The following TFRC variants were observed in gnomAD, a reference collection of about 807,000 sequenced individuals.
TFRC encodes transferrin receptor protein 1.
A neutral mutation model predicts 85.8 loss-of-function variants in TFRC; 35 were observed. That is an observed-to-expected ratio of 0.41 (90% CI 0.31 to 0.54). TFRC has a LOEUF of 0.54. Among genes scored for constraint, TFRC ranks in the 20% least tolerant of loss-of-function variants. The pLI is 0.31. For synonymous variants in TFRC, 362 were observed against 328.6 expected, an observed-to-expected ratio of 1.10 and a Z score of -1.10; for missense variants, 828 against 921.5, an observed-to-expected ratio of 0.90 and a Z score of 1.31.
At chr3:196,078,710 T>G (rs1031165269) in intron 1 of TFRC, among the ~76,000 whole-genome samples, 1 of 151,982 alleles carries the variant, frequency 6.6e-6, no homozygotes, top group Admixed American at 6.6e-5. Flanking sequence ...TACAAAAAAT[T>G]CTTTTTAAAT....
chr3:196,053,306 C>T, intron 18 of TFRC, 112 bp downstream of exon 18: 1 of 1,190,658 alleles, frequency 8.4e-7, no homozygotes, highest in Non-Finnish European at 1.2e-6. Flanking sequence ...CATTAATGCT[C>T]CCTTCTTAAA....
chr3:196,053,129 T>A (rs909827302), intron 18 of TFRC, among the ~76,000 whole-genome samples: 20 of 142,862 alleles, frequency 1.4e-4, no homozygotes, highest in Admixed American at 3.5e-4. Context: ...AAAAAAAAAA[T>A]TTTTTTAAAG....
At chr3:196,080,846 GGGGGGAACCAGCA>G (rs1266508382) in intron 1 of TFRC, among the ~76,000 whole-genome samples, 1 of 151,728 alleles carries the variant, frequency 6.6e-6, no homozygotes, top group East Asian at 1.9e-4. Flanking sequence ...GCCGGGGGGC[GGGGGGAACCAGCA>G]GGGTCCACAA....
intron 17 of TFRC, among the ~76,000 whole-genome samples, chr3:196,054,596 C>CA (rs1192442514): frequency 2.0e-5 from 3 of 152,160 alleles, no homozygotes; most frequent in African/African-American, 7.2e-5. Context: ...GGCTGGACTC[C>CA]AGCAATCCTC....
At chr3:196,077,334 G>T (rs768784572) in intron 1 of TFRC, among the ~76,000 whole-genome samples, 2 of 151,374 alleles carry the variant, frequency 1.3e-5, no homozygotes, top group Non-Finnish European at 2.9e-5. Flanking sequence ...TCTTTTTGTA[G>T]AGACAAGGTC....
At position 196,058,264 on chromosome 3, in the gene TFRC, A is replaced by C. The variant is rs772558216; in HGVS notation, c.1677+20T>G. On this transcript the variant is annotated intron_variant, in intron 16 of 18. Transcript: ENST00000360110. ...TTTAGAGAGCCTCTCTCCATTTGTC[A>C]TTTAAATGAACAGACTTACCTCGCA... 2 of 1,603,880 alleles carry C rather than the reference A, an allele frequency of 1.2e-6. No homozygotes were observed. Among genetic ancestry groups the C allele is most frequent in the African/African-American group, 2.7e-5 (2 of 74,566 alleles).
rs778879654 is a variant in TFRC, at chr3:196,051,710, T to G, written c.*232A>C. The G allele has an allele frequency of 9.9e-6, 5 of 507,548 alleles. No individual in the cohort carries two copies. The highest frequency in any genetic ancestry group is 1.9e-5 in the African/African-American group (1 of 51,880). 31.4% of individuals were successfully genotyped at this position (507,548 alleles called of 1,614,324 possible). A position where few individuals can be genotyped will look rare whatever the true frequency, so the allele number is the denominator to read the frequency against. Reference sequence around the variant, plus strand: ...TACAAAGCACTTAAAATTCTAGAGATAGGGGAATATTCCATCATGGACATT... The same window carrying G: ...TACAAAGCACTTAAAATTCTAGAGAGAGGGGAATATTCCATCATGGACATT... On this transcript the variant is annotated 3_prime_UTR_variant, in exon 19 of 19. Coordinates refer to ENST00000360110, the MANE Select transcript of TFRC (RefSeq NM_001128148.3).
intron 7 of TFRC, 148 bp from the exon 8 acceptor site, chr3:196,068,278 T>A: frequency 1.7e-6 from 1 of 573,126 alleles, no homozygotes; most frequent in Non-Finnish European, 2.9e-6. Context: ...TCTGGTAATT[T>A]ATTAATTGCT....
chr3:196,051,969 G>A lies in TFRC; in HGVS notation c.2256C>T (p.Asp752=), dbSNP rs1356109761. The change falls in exon 19 of 19, where the codon GAC becomes GAT. Residue 752 remains aspartate, a synonymous_variant. Transcript: ENST00000360110. ...IQGAANALSG[D]VWDIDNEF ...AAAACTCATTGTCAATGTCCCAAAC[G>A]TCACCAGAGAGGGCATTTGCAGCTC... 9.9e-6 allele frequency: 16 copies of A among 1,614,020 alleles called. No individual in the cohort carries two copies. Among genetic ancestry groups the A allele is most frequent in the East Asian group, 6.7e-5 (3 of 44,898 alleles).
chr3:196,065,438 T>A lies in TFRC; in HGVS notation c.1198+5A>T. ...GGGGCGGGGGGGGGGGGGGGCGGTC[T>A]TTACCTGGTTCTACAAAGCCTTTAA... is the stretch of plus-strand genomic sequence containing the variant. On this transcript the variant is annotated splice_donor_5th_base_variant and intron_variant, in intron 10 of 18. Transcript: ENST00000360110. 1.4e-5 allele frequency: 11 copies of A among 809,252 alleles called. No individual in the cohort carries two copies. Among genetic ancestry groups the A allele is most frequent in the Non-Finnish European group, 2.0e-5 (11 of 551,398 alleles). The allele number at this position is 809,252 out of a possible 1,614,324, so 50.1% of individuals were successfully genotyped here.
At position 196,071,468 on chromosome 3, in the gene TFRC, C is replaced by T; in HGVS notation, c.615G>A (p.Lys205=). ...SAQNSVIIVD[K]NGRLVYLVEN... is the part of the protein sequence containing the mutation. The stretch of plus-strand genomic sequence containing the variant: ...CCACCAGGTAAACAAGTCTACCGTT[C>T]TTATCAACTATGATCACCGAGTTTT... Residue 205 remains lysine (K), a synonymous_variant, in exon 6 of 19, where the codon AAG becomes AAA. Transcript: ENST00000360110. The T allele has an allele frequency of 6.2e-7, 1 of 1,614,080 alleles. No homozygotes were observed.
At chr3:196,053,187 T>A (rs139233049) in intron 18 of TFRC, among the ~76,000 whole-genome samples, 121 of 152,324 alleles carry the variant, frequency 7.9e-4, no homozygotes, top group African/African-American at 2.8e-3. Context: ...GTTCAGATTC[T>A]TTTCCCCATT....
chr3:196,080,568 G>T (rs1445808032), intron 1 of TFRC, among the ~76,000 whole-genome samples: 1 of 152,230 alleles, frequency 6.6e-6, no homozygotes, highest in Non-Finnish European at 1.5e-5. Flanking sequence ...CATTGTGATC[G>T]ATTCAGGTTT....
At chr3:196,068,274 AATTT>A (rs1460843342) in intron 7 of TFRC, 144 bp from the exon 8 acceptor site, 5 of 568,902 alleles carry the variant, frequency 8.8e-6, no homozygotes, top group Non-Finnish European at 1.5e-5. Context: ...TTTATCTGGT[AATTT>A]ATTAATTGCT....
intron 11 of TFRC, 69 bp from the exon 12 acceptor site, chr3:196,063,008 C>G (rs1717413725): frequency 7.7e-7 from 1 of 1,293,038 alleles, no homozygotes; most frequent in Non-Finnish European, 1.1e-6. Context: ...AGGTATCCCA[C>G]TTAAGATGAA....
At chr3:196,077,034 G>A (rs761957027) in intron 2 of TFRC, 30 bp downstream of exon 2, 1 of 1,606,944 alleles carries the variant, frequency 6.2e-7, no homozygotes, top group Non-Finnish European at 8.5e-7. Context: ...CATTCTTGCA[G>A]ACACAGAAAT....
In TFRC at chr3:196,052,070, G is replaced by A. The variant is rs764730449; in HGVS notation, c.2155C>T (p.Arg719Cys). 80 of 1,613,982 alleles carry A rather than the reference G, an allele frequency of 5.0e-5. No homozygotes were observed. Among genetic ancestry groups the A allele is most frequent in the East Asian group, 3.6e-4 (16 of 44,902 alleles). The change falls in exon 19 of 19, where the codon CGT (arginine) becomes TGT (cysteine). Residue 719 changes from arginine (R) to cysteine (C), a missense_variant. Physicochemically the swap from Arg to Cys is radical, Grantham distance 180 (BLOSUM62 -3). Transcript: ENST00000360110. Reference sequence around the variant, plus strand: ...TTAAAAGCACCGTTATTTTGTTTACGCAGTTTCAAGTTCTCCAGTAAAGCT... The same window carrying A: ...TTAAAAGCACCGTTATTTTGTTTACACAGTTTCAAGTTCTCCAGTAAAGCT... ...LPALLENLKLRKQNNGAFNET... is the reference protein window; with the variant it reads ...LPALLENLKLCKQNNGAFNET...
intron 13 of TFRC, among the ~76,000 whole-genome samples, chr3:196,062,003 C>T (rs1389729743): frequency 6.6e-6 from 1 of 152,154 alleles, no homozygotes; most frequent in Non-Finnish European, 1.5e-5. Flanking sequence ...ATGGCTCATG[C>T]CTGTAACCGC....
At chr3:196,062,056 T>C (rs1347091547) in intron 13 of TFRC, among the ~76,000 whole-genome samples, 2 of 152,074 alleles carry the variant, frequency 1.3e-5, no homozygotes, top group Non-Finnish European at 2.9e-5. Context: ...ACTCAGGAGT[T>C]TGACACCAGC....
Sources: gnomAD v4.1 joint callset for allele counts (sites outside exome capture counted in the v4.1 genomes callset) on GRCh38, gnomAD v4.1.1 for gene constraint, MANE v1.5 for transcripts, NCBI Gene and HGNC (gene_info 2026-07-23, HGNC 2026-07-21) for gene names.